LRRN4: variants seen among roughly 807,000 people sequenced by gnomAD.
LRRN4 encodes leucine rich repeat neuronal 4.
LRRN4 carries 26 observed loss-of-function variants against 22.3 expected under a neutral mutation model. The ratio of observed to expected loss-of-function variants is 1.16; its 90% CI spans 0.85 to 1.62. The LOEUF is 1.62. Among genes scored for constraint, LRRN4 ranks in the 40% most tolerant of loss-of-function variants. LRRN4 has a pLI of 0.00. For missense variants in LRRN4, 1,070 were observed against 1,008.5 expected (o/e 1.06, Z -0.83); for synonymous variants, 496 against 486.2 (o/e 1.02, Z -0.26).
rs1209114673 is a variant in LRRN4, at chr20:6,052,272, G to C, written c.528C>G (p.Asn176Lys). 1 of 1,546,958 alleles carries C rather than the reference G, an allele frequency of 6.5e-7. No individual in the cohort carries two copies. Among genetic ancestry groups the C allele is most frequent in the Non-Finnish European group, 8.7e-7 (1 of 1,147,824 alleles). Reference protein sequence around the residue: ...FACFPALQLLNLSCTALGRGA... With the variant: ...FACFPALQLLKLSCTALGRGA... ...CGCGACCCAGCGCGGTGCAGGAGAG[G>C]TTGAGGAGCTGCAGCGCGGGGAAGC... Residue 176 changes from asparagine to lysine, a missense_variant, in exon 2 of 5, where the codon AAC (asparagine) becomes AAG (lysine). Physicochemically the swap from Asn to Lys is moderately conservative, Grantham distance 94. Transcript: ENST00000378858.
In LRRN4 at chr20:6,050,849, G is replaced by C. The variant is rs759496712; in HGVS notation, c.790C>G (p.Pro264Ala). 1.2e-6 allele frequency: 2 copies of C among 1,614,040 alleles called. No individual in the cohort carries two copies. Among genetic ancestry groups the C allele is most frequent in the Admixed American group, 3.3e-5 (2 of 59,976 alleles). Residue 264 changes from proline (P) to alanine (A), a missense_variant, in exon 3 of 5, where the codon CCA (proline) becomes GCA (alanine). Coordinates refer to ENST00000378858, the MANE Select transcript of LRRN4 (RefSeq NM_152611.5). ...TGTGTGGCGACAGAAGCAAGTGCTG[G>C]GGAGTCCTGACAGTCCAGCTGCTGC... Reference protein sequence around the residue: ...NLQQLDCQDSPALASVATHIF... With the variant: ...NLQQLDCQDSAALASVATHIF...
chr20:6,040,873 C>CA lies in LRRN4; in HGVS notation c.*148dup. Reference sequence around the variant, plus strand: ...CAGCAGTTCCTTGGACCCAGACACTCAGTGTGGCAAGTTCCATGTGTGCTC... The same window carrying CA: ...CAGCAGTTCCTTGGACCCAGACACTCAAGTGTGGCAAGTTCCATGTGTGCTC... On this transcript the variant is annotated 3_prime_UTR_variant, in exon 5 of 5. Transcript: ENST00000378858. 9.6e-7 allele frequency: 1 copy of CA among 1,041,690 alleles called. No individual in the cohort carries two copies. Among genetic ancestry groups the CA allele is most frequent in the Non-Finnish European group, 1.4e-6 (1 of 729,980 alleles). 64.5% of individuals were successfully genotyped at this position (1,041,690 alleles called of 1,614,324 possible).
intron 4 of LRRN4, among the ~76,000 whole-genome samples, chr20:6,043,373 C>G (rs1981018600): frequency 6.6e-6 from 1 of 152,200 alleles, no homozygotes; most frequent in Admixed American, 6.5e-5. Context: ...CATGATCATG[C>G]CACTGCACTC....
chr20:6,040,961 C>G lies in LRRN4; in HGVS notation c.*61G>C. The G allele has an allele frequency of 6.3e-7, 1 of 1,592,912 alleles. No individual in the cohort carries two copies. The stretch of plus-strand genomic sequence containing the variant: ...AGCGGATGGGGTCGTTTTTGACCGT[C>G]TGTGTCTTCCTTTTTGCGCTCAGAT... On this transcript the variant is annotated 3_prime_UTR_variant, in exon 5 of 5. Transcript: ENST00000378858.
Position 6,041,301 on chromosome 20 carries a change from G to A in LRRN4, c.1944C>T (p.Arg648=), listed in dbSNP as rs1307026643. 3 of 1,596,068 alleles carry A rather than the reference G, an allele frequency of 1.9e-6. 1 individual carries two copies. The highest frequency in any genetic ancestry group is 3.3e-4 in the Middle Eastern group (2 of 6,026). The change falls in exon 5 of 5, where the codon CGC becomes CGT. Residue 648 remains arginine (R), a synonymous_variant. Transcript: ENST00000378858. The surrounding 1 kb of genome is among the most constrained non-coding windows in gnomAD (Gnocchi z 9.4). ...LYGLSPGTTY[R]VCVLAANRAG... The stretch of plus-strand genomic sequence containing the variant: ...CCCTGTTGGCCGCCAGCACGCACAC[G>A]CGGTAGGTGGTGCCCGGCGACAGCC...
intron 3 of LRRN4, 124 bp downstream of exon 3, chr20:6,050,655 C>A (rs1981220723): frequency 1.2e-5 from 12 of 985,040 alleles, no homozygotes; most frequent in Non-Finnish European, 1.8e-5. Flanking sequence ...GAAAACAAAG[C>A]CCCAGAGAGG....
chr20:6,045,228 T>G (rs1456058905), intron 3 of LRRN4, among the ~76,000 whole-genome samples: 1 of 148,176 alleles, frequency 6.7e-6, no homozygotes, highest in African/African-American at 2.4e-5. Context: ...TATTTGAGGT[T>G]AGGAGTTCGA....
chr20:6,052,033 G>C, intron 2 of LRRN4, 112 bp downstream of exon 2: 3 of 1,333,004 alleles, frequency 2.3e-6, no homozygotes. Context: ...CCTCCTACGA[G>C]CTGGGCACCC....
intron 3 of LRRN4, among the ~76,000 whole-genome samples, chr20:6,047,425 T>TACACACAC (rs57188958): frequency 6.5e-4 from 84 of 128,472 alleles, no homozygotes; most frequent in Non-Finnish European, 1.1e-3. Flanking sequence ...CAGACACACA[T>TACACACAC]ACACACACAC....
In LRRN4 at chr20:6,041,907, G is replaced by A. The variant is rs1488548402; in HGVS notation, c.1338C>T (p.Phe446=). The A allele has an allele frequency of 2.5e-6, 4 of 1,614,062 alleles. No individual in the cohort carries two copies. The highest frequency in any genetic ancestry group is 3.4e-6 in the Non-Finnish European group (4 of 1,180,030). Residue 446 remains phenylalanine, a synonymous_variant, in exon 5 of 5, where the codon TTC becomes TTT. Coordinates refer to ENST00000378858, the MANE Select transcript of LRRN4 (RefSeq NM_152611.5). This position sits in a 1 kb window ranked among gnomAD's most constrained non-coding sequence, Gnocchi z 9.4. ...TCCTGGTGGTGCTGGCAGCCCTGGG[G>A]AAAACGCTGGAGTTGCTGTGACCTG... ...SVAGHSNSSV[F]PRAASTTRTQ...
rs781749502 is a variant in LRRN4 at position 6,041,089 on chromosome 20, G to T, written c.2156C>A (p.Thr719Lys). 8 of 1,613,658 alleles carry T rather than the reference G, an allele frequency of 5.0e-6. No individual in the cohort carries two copies. Among genetic ancestry groups the T allele is most frequent in the Non-Finnish European group, 6.8e-6 (8 of 1,179,888 alleles). Residue 719 changes from threonine to lysine, a missense_variant, in exon 5 of 5, where the codon ACG becomes AAG. Coordinates refer to ENST00000378858, the MANE Select transcript of LRRN4 (RefSeq NM_152611.5). This position sits in a 1 kb window ranked among gnomAD's most constrained non-coding sequence, Gnocchi z 9.4. Reference sequence around the variant, plus strand: ...CGGGTTTTTGTAGGCCACCAGGTGCGTGTCGCAGCGCTGCAGGCCCAGCGT... The same window carrying T: ...CGGGTTTTTGTAGGCCACCAGGTGCTTGTCGCAGCGCTGCAGGCCCAGCGT... ...GQTLGLQRCD[T>K]HLVAYKNPAF...
At position 6,041,047 on chromosome 20, in the gene LRRN4, G is replaced by T; in HGVS notation, c.2198C>A (p.Pro733Gln). 6.2e-7 allele frequency: 1 copy of T among 1,613,950 alleles called. No homozygotes were observed. Reference sequence around the variant, plus strand: ...CTAACTGACGGTCTGGAGCCCCAGCGGGTAATCATCAAAGGCCGGGTTTTT... The same window carrying T: ...CTAACTGACGGTCTGGAGCCCCAGCTGGTAATCATCAAAGGCCGGGTTTTT... ...AYKNPAFDDY[P>Q]LGLQTVS Residue 733 changes from proline (P) to glutamine (Q), a missense_variant, in exon 5 of 5, where the codon CCG becomes CAG. By Grantham distance (76) the Pro-to-Gln change is moderately conservative. Coordinates refer to ENST00000378858, the MANE Select transcript of LRRN4 (RefSeq NM_152611.5). The surrounding 1 kb of genome is among the most constrained non-coding windows in gnomAD (Gnocchi z 9.4).
intron 4 of LRRN4, among the ~76,000 whole-genome samples, chr20:6,043,386 G>A (rs1352334971): frequency 1.3e-5 from 2 of 152,310 alleles, no homozygotes; most frequent in Middle Eastern, 3.4e-3. Flanking sequence ...CTGCACTCCA[G>A]CCTGGATGAC....
At chr20:6,044,783 G>A (rs968607366) in intron 3 of LRRN4, 103 bp from the exon 4 acceptor site, 97 of 1,061,378 alleles carry the variant, frequency 9.1e-5, no homozygotes, top group Non-Finnish European at 1.2e-4. Context: ...GGTATCAGAA[G>A]CATTCTGATA....
chr20:6,051,249 G>A (rs1981237973), intron 2 of LRRN4, among the ~76,000 whole-genome samples: 1 of 152,226 alleles, frequency 6.6e-6, no homozygotes, highest in African/African-American at 2.4e-5. Flanking sequence ...TAGCTGGAAA[G>A]CGGCAGAGAC....
chr20:6,041,481 C>T lies in LRRN4; in HGVS notation c.1764G>A (p.Val588=). 6.4e-7 allele frequency: 1 copy of T among 1,558,140 alleles called. No individual in the cohort carries two copies. The highest frequency in any genetic ancestry group is 1.4e-5 in the African/African-American group (1 of 73,750). The part of the protein sequence containing the change: ...TIPDPPRLQG[V]TETTDTSALV... Reference sequence around the variant, plus strand: ...GCGCCGACGTGTCCGTGGTCTCCGTCACCCCCTGCAGCCTGGGCGGGTCTG... The same window carrying T: ...GCGCCGACGTGTCCGTGGTCTCCGTTACCCCCTGCAGCCTGGGCGGGTCTG... Residue 588 remains valine, a synonymous_variant, in exon 5 of 5, where the codon GTG becomes GTA. Coordinates refer to ENST00000378858, the MANE Select transcript of LRRN4 (RefSeq NM_152611.5). The surrounding 1 kb of genome is among the most constrained non-coding windows in gnomAD (Gnocchi z 9.4).
chr20:6,050,846 C>T lies in LRRN4; in HGVS notation c.793G>A (p.Ala265Thr). Residue 265 changes from alanine (A) to threonine (T), a missense_variant, in exon 3 of 5, where the codon GCA (alanine) becomes ACA (threonine). Transcript: ENST00000378858. ...ATGTGTGTGGCGACAGAAGCAAGTG[C>T]TGGGGAGTCCTGACAGTCCAGCTGC... ...LQQLDCQDSP[A>T]LASVATHIFQ... 3 of 1,613,998 alleles carry T rather than the reference C, an allele frequency of 1.9e-6. No homozygotes were observed. The highest frequency in any genetic ancestry group is 2.5e-6 in the Non-Finnish European group (3 of 1,179,966).
intron 1 of LRRN4, 132 bp from the exon 2 acceptor site, chr20:6,052,936 G>T: frequency 1.0e-6 from 1 of 988,448 alleles, no homozygotes; most frequent in Non-Finnish European, 1.4e-6. Flanking sequence ...GCAGGGCGGG[G>T]AGACGTTCCC....
rs57188958 is a variant in LRRN4, at chr20:6,047,425, T to TACACAC, written c.861-2751_861-2746dup. Among the ~76,000 whole-genome samples, 229 of 128,474 alleles carry TACACAC rather than the reference T, an allele frequency of 1.8e-3. 1 individual carries two copies. The highest frequency in any genetic ancestry group is 3.0e-3 in the East Asian group (13 of 4,394). The allele number at this position is 128,474 out of a possible 152,430, so 84.3% of individuals were successfully genotyped here. A position where few individuals can be genotyped will look rare whatever the true frequency, so the allele number is the denominator to read the frequency against. ...AAGGTGTTAAAGAAGCAGACACACA[T>TACACAC]ACACACACACACACACACACACACA... On this transcript the variant is annotated intron_variant, in intron 3 of 4. Coordinates refer to ENST00000378858, the MANE Select transcript of LRRN4 (RefSeq NM_152611.5).
Sources: allele counts gnomAD v4.1 joint callset (sites outside exome capture counted in the v4.1 genomes callset), GRCh38; gene constraint gnomAD v4.1.1; non-coding constraint Gnocchi (gnomAD v3.1); transcripts MANE v1.5; gene names NCBI Gene and HGNC (gene_info 2026-07-23, HGNC 2026-07-21).